The following NOTUM variants were observed in gnomAD, a reference collection of about 807,000 sequenced individuals.
NOTUM encodes the protein notum, palmitoleoyl-protein carboxylesterase, also known as palmitoleoyl-protein carboxylesterase NOTUM.
A neutral mutation model predicts 65.5 loss-of-function variants in NOTUM; 36 were observed. That is an observed-to-expected ratio of 0.55 (90% confidence interval 0.42 to 0.73). The LOEUF (loss-of-function observed/expected upper bound fraction) is 0.73, where lower values mean the gene tolerates loss of function less well. Ranked by LOEUF, NOTUM falls within the 30% of genes least tolerant of loss-of-function variation. The probability of loss-of-function intolerance (pLI) is 0.00; values close to 1 mark genes in which losing one functional copy is unlikely to be tolerated. For missense variants in NOTUM, 659 were observed against 694.2 expected (o/e 0.95, Z 0.57); for synonymous variants, 356 against 297.9 (o/e 1.20, Z -2.01).
At chr17:81,955,219 G>T (rs766417891) in intron 9 of NOTUM, among the ~76,000 whole-genome samples, 178 bp downstream of exon 9, 4 of 152,116 alleles carry the variant, frequency 2.6e-5, no homozygotes, top group Non-Finnish European at 4.4e-5. Flanking sequence ...GACCTCAGGT[G>T]ATCCACCTGC....
In NOTUM at chr17:81,958,936, C is replaced by G. The variant is rs757750430; in HGVS notation, c.532G>C (p.Val178Leu). ...ENPYWWNANMVFIPYCSSDVW... is the reference protein window; with the variant it reads ...ENPYWWNANMLFIPYCSSDVW... ...AGGCAAGACCCTGTGCCCCCTTACA[C>G]CATGTTTGCGTTCCACCAGTAGGGG... Residue 178 changes from valine (V) to leucine (L), a missense_variant and splice_region_variant, in exon 4 of 11, where the codon GTC (valine) becomes CTC (leucine). Coordinates refer to ENST00000409678, the MANE Select transcript of NOTUM (RefSeq NM_178493.6). The G allele has an allele frequency of 6.2e-7, 1 of 1,612,356 alleles. No individual in the cohort carries two copies. The highest frequency in any genetic ancestry group is 8.5e-7 in the Non-Finnish European group (1 of 1,179,026).
chr17:81,960,688 C>A lies in NOTUM; in HGVS notation c.222G>T (p.Ala74=). 1 of 1,601,130 alleles carries A rather than the reference C, an allele frequency of 6.2e-7. No homozygotes were observed. ...GCGCGGAGCAGGGGTACAGGGACTG[C>A]GCCAGGCTCTTGACTTGCGCCATGA... is the stretch of plus-strand genomic sequence containing the variant. ...DSFMAQVKSL[A]QSLYPCSAQQ... Residue 74 remains alanine, a synonymous_variant, in exon 1 of 11, where the codon GCG becomes GCT. Transcript: ENST00000409678. The surrounding 1 kb of genome is among the most constrained non-coding windows in gnomAD (Gnocchi z 6.4).
At chr17:81,957,756 C>T in intron 6 of NOTUM, 50 bp downstream of exon 6, 1 of 1,323,460 alleles carries the variant, frequency 7.6e-7, no homozygotes, top group Non-Finnish European at 1.1e-6. Context: ...TCCATGCACC[C>T]TGCACACCGT....
chr17:81,957,173 G>A (rs1330905451), intron 6 of NOTUM, 99 bp from the exon 7 acceptor site: 5 of 929,732 alleles, frequency 5.4e-6, no homozygotes, highest in African/African-American at 4.9e-5. Flanking sequence ...GGGGGCAGGA[G>A]TCCTGATGCG....
rs761848082 is a variant in NOTUM, at chr17:81,953,218, G to A, written c.1234C>T (p.His412Tyr). 5.6e-6 allele frequency: 9 copies of A among 1,612,364 alleles called. No individual in the cohort carries two copies. The African/African-American group carries it at 1.2e-4, about 22-fold the overall frequency. The change falls in exon 11 of 11, where the codon CAC becomes TAC. Residue 412 changes from histidine to tyrosine, a missense_variant. Physicochemically the swap from His to Tyr is moderately conservative, Grantham distance 83. Coordinates refer to ENST00000409678, the MANE Select transcript of NOTUM (RefSeq NM_178493.6). ...TCATGGAGGCTCCTGTCCCAGCAGT[G>A]CAGTGCTCGGGGCAGCGACGTCCCC... Reference protein sequence around the residue: ...VKGTSLPRALHCWDRSLHDSH... With the variant: ...VKGTSLPRALYCWDRSLHDSH...
Position 81,960,643 on chromosome 17 carries a change from C to G in NOTUM, c.267G>C (p.Leu89=), listed in dbSNP as rs148431861. ...AGGTGTTGAGTAGGAGGTGCAGGCGCAGGTCCTCGTTGAGCTGCTGCGCGG... is the reference window on the plus strand; with the variant it reads ...AGGTGTTGAGTAGGAGGTGCAGGCGGAGGTCCTCGTTGAGCTGCTGCGCGG... The part of the protein sequence containing the change: ...PCSAQQLNED[L]RLHLLLNTSV... Residue 89 remains leucine (L), a synonymous_variant, in exon 1 of 11, where the codon CTG becomes CTC. Transcript: ENST00000409678. This position sits in a 1 kb window ranked among gnomAD's most constrained non-coding sequence, Gnocchi z 6.4. The G allele has an allele frequency of 6.3e-5, 98 of 1,566,430 alleles. No homozygotes were observed. The African/African-American group carries it at 1.1e-3, about 18-fold the overall frequency.
At position 81,959,003 on chromosome 17, in the gene NOTUM, C is replaced by G; in HGVS notation, c.473-8G>C. 1 of 1,612,420 alleles carries G rather than the reference C, an allele frequency of 6.2e-7. No homozygotes were observed. The highest frequency in any genetic ancestry group is 8.5e-7 in the Non-Finnish European group (1 of 1,179,286). On this transcript the variant is annotated splice_region_variant and splice_polypyrimidine_tract_variant and intron_variant, in intron 3 of 10. Transcript: ENST00000409678. ...AGGACAGGATCCCTGTGCCTGGGGA[C>G]ACAGAGGCGGTGGGTCTTTCTAGCG...
rs566859941 is a variant in NOTUM, at chr17:81,954,456, G to A, written c.1137-153C>T. The stretch of plus-strand genomic sequence containing the variant: ...TCTGGCCCGGGCCTCCCCCTAGTTG[G>A]CCAGCTCCCGGCTGACCCTTATCGC... On this transcript the variant is annotated intron_variant, in intron 9 of 10. Transcript: ENST00000409678. Among the ~76,000 whole-genome samples the A allele has an allele frequency of 7.9e-5, 12 of 152,204 alleles. No individual in the cohort carries two copies. In the South Asian group the frequency reaches 2.1e-3, roughly 26 times the overall value.
rs1380715680 is a variant in NOTUM, at chr17:81,955,503, G to A, written c.1030C>T (p.Leu344=). Residue 344 remains leucine (L), a synonymous_variant, in exon 9 of 11, where the codon CTG becomes TTG. Coordinates refer to ENST00000409678, the MANE Select transcript of NOTUM (RefSeq NM_178493.6). ...GTCAGGTGCACGTTGTCCACCGTCA[G>A]CTGTGCCTCGTCAAACAGCCACTGC... The part of the protein sequence containing the change: ...VVQWLFDEAQ[L]TVDNVHLTGQ... The A allele has an allele frequency of 6.2e-7, 1 of 1,611,424 alleles. No individual in the cohort carries two copies. The highest frequency in any genetic ancestry group is 2.2e-5 in the East Asian group (1 of 44,872).
Position 81,960,013 on chromosome 17 carries a change from G to A in NOTUM, c.324-321C>T, listed in dbSNP as rs2041462239. Among the ~76,000 whole-genome samples the A allele has an allele frequency of 6.6e-6, 1 of 151,958 alleles. No homozygotes were observed. Among genetic ancestry groups the A allele is most frequent in the Admixed American group, 6.6e-5 (1 of 15,258 alleles). On this transcript the variant is annotated intron_variant, in intron 1 of 10. Transcript: ENST00000409678. The surrounding 1 kb of genome is among the most constrained non-coding windows in gnomAD (Gnocchi z 6.4). The stretch of plus-strand genomic sequence containing the variant: ...CGGCGGCGCTTGAAGCGTGAAACGC[G>A]TCCGCACTGAAGGAGCGCGCTTGGC...
Position 81,958,001 on chromosome 17 carries a change from C to T in NOTUM, c.593-93G>A. The T allele has an allele frequency of 7.7e-6, 7 of 907,108 alleles. No homozygotes were observed. The South Asian group carries it at 8.9e-5, about 12-fold the overall frequency. The allele number at this position is 907,108 out of a possible 1,614,324, so 56.2% of individuals were successfully genotyped here. On this transcript the variant is annotated intron_variant, in intron 5 of 10. Coordinates refer to ENST00000409678, the MANE Select transcript of NOTUM (RefSeq NM_178493.6). Reference sequence around the variant, plus strand: ...GGCTGGCAGAGAAGTTCTTGCCCCACTGGGGGACTGGGAGGAATCTTCTGA... The same window carrying T: ...GGCTGGCAGAGAAGTTCTTGCCCCATTGGGGGACTGGGAGGAATCTTCTGA...
Position 81,953,186 on chromosome 17 carries a change from G to A in NOTUM, c.1266C>T (p.His422=), listed in dbSNP as rs1377987439. The A allele has an allele frequency of 6.2e-7, 1 of 1,613,006 alleles. No individual in the cohort carries two copies. Among genetic ancestry groups the A allele is most frequent in the East Asian group, 2.2e-5 (1 of 44,894 alleles). Residue 422 remains histidine (H), a synonymous_variant, in exon 11 of 11, where the codon CAC becomes CAT. Coordinates refer to ENST00000409678, the MANE Select transcript of NOTUM (RefSeq NM_178493.6). ...CCTTGAGGGGGGTCTTGCTGGCCTT[G>A]TGGCTGTCATGGAGGCTCCTGTCCC... The part of the protein sequence containing the change: ...HCWDRSLHDS[H]KASKTPLKGC...
At chr17:81,957,604 G>A (rs2041443194) in intron 6 of NOTUM, among the ~76,000 whole-genome samples, 1 of 152,134 alleles carries the variant, frequency 6.6e-6, no homozygotes, top group African/African-American at 2.4e-5. Context: ...TGGTTACCCA[G>A]CACTCTGAAG....
At position 81,952,999 on chromosome 17, in the gene NOTUM, G is replaced by A. The variant is rs1165544839; in HGVS notation, c.1453C>T (p.Pro485Ser). 6.2e-7 allele frequency: 1 copy of A among 1,613,882 alleles called. No individual in the cohort carries two copies. The highest frequency in any genetic ancestry group is 1.3e-5 in the African/African-American group (1 of 74,942). The change falls in exon 11 of 11, where the codon CCC (proline) becomes TCC (serine). Residue 485 changes from proline (P) to serine (S), a missense_variant. By Grantham distance (74) the Pro-to-Ser change is moderately conservative (BLOSUM62 -1). Coordinates refer to ENST00000409678, the MANE Select transcript of NOTUM (RefSeq NM_178493.6). ...CTCAGCATCCCCAGCAGCTCACTGG[G>A]CTCCAGTCCCTGCGGCTGGGCCACC... ...QTVAQPQGLEPSELLGMLSNG... is the reference protein window; with the variant it reads ...QTVAQPQGLESSELLGMLSNG...
chr17:81,955,664 A>AC (rs2041427515), intron 8 of NOTUM, 120 bp from the exon 9 acceptor site: 1 of 727,004 alleles, frequency 1.4e-6, no homozygotes, highest in Non-Finnish European at 1.9e-6. Context: ...AGAGCTCAGC[A>AC]CCCCCAGGCC....
Position 81,958,946 on chromosome 17 carries a change from G to A in NOTUM, c.522C>T (p.Asn174=), listed in dbSNP as rs1477031751. ...CTGTGCCCCCTTACACCATGTTTGC[G>A]TTCCACCAGTAGGGGTTCTCCTCCG... ...SQPEENPYWW[N]ANMVFIPYCS... Residue 174 remains asparagine, a synonymous_variant, in exon 4 of 11, where the codon AAC becomes AAT. Coordinates refer to ENST00000409678, the MANE Select transcript of NOTUM (RefSeq NM_178493.6). The A allele has an allele frequency of 1.9e-6, 3 of 1,612,668 alleles. No homozygotes were observed. Among genetic ancestry groups the A allele is most frequent in the African/African-American group, 1.3e-5 (1 of 74,902 alleles).
In NOTUM at chr17:81,960,669, A is replaced by G; in HGVS notation, c.241T>C (p.Ser81Pro). ...KSLAQSLYPC[S>P]AQQLNEDLRL... Reference sequence around the variant, plus strand: ...AGGTCCTCGTTGAGCTGCTGCGCGGAGCAGGGGTACAGGGACTGCGCCAGG... The same window carrying G: ...AGGTCCTCGTTGAGCTGCTGCGCGGGGCAGGGGTACAGGGACTGCGCCAGG... Residue 81 changes from serine to proline, a missense_variant, in exon 1 of 11, where the codon TCC becomes CCC. Ser to Pro is a moderately conservative substitution (Grantham distance 74, BLOSUM62 -1). Transcript: ENST00000409678. The surrounding 1 kb of genome is among the most constrained non-coding windows in gnomAD (Gnocchi z 6.4). 1 of 1,595,036 alleles carries G rather than the reference A, an allele frequency of 6.3e-7. No individual in the cohort carries two copies. Among genetic ancestry groups the G allele is most frequent in the Non-Finnish European group, 8.5e-7 (1 of 1,171,192 alleles).
chr17:81,960,995 G>A lies in NOTUM; in HGVS notation c.-86C>T, dbSNP rs1242137225. 1 of 674,832 alleles carries A rather than the reference G, an allele frequency of 1.5e-6. No homozygotes were observed. Among genetic ancestry groups the A allele is most frequent in the Non-Finnish European group, 2.0e-6 (1 of 510,864 alleles). The allele number at this position is 674,832 out of a possible 1,614,324, so 41.8% of individuals were successfully genotyped here. A position where few individuals can be genotyped will look rare whatever the true frequency, so the allele number is the denominator to read the frequency against. ...GCCGGGCCGGGGGTGCCGGGCCGGG[G>A]GTGTCGGGGGCACTGGCCGCTCCTG... On this transcript the variant is annotated 5_prime_UTR_variant, in exon 1 of 11. Coordinates refer to ENST00000409678, the MANE Select transcript of NOTUM (RefSeq NM_178493.6). The surrounding 1 kb of genome is among the most constrained non-coding windows in gnomAD (Gnocchi z 6.4).
At chr17:81,956,557 G>A in intron 8 of NOTUM, 93 bp downstream of exon 8, 1 of 888,050 alleles carries the variant, frequency 1.1e-6, no homozygotes, top group Non-Finnish European at 1.8e-6. Context: ...TCCAAGCCCA[G>A]CCCAGAAGAC....
Sources: gnomAD v4.1 joint callset for allele counts (sites outside exome capture counted in the v4.1 genomes callset) on GRCh38, gnomAD v4.1.1 for gene constraint, Gnocchi (gnomAD v3.1) non-coding constraint, MANE v1.5 for transcripts, NCBI Gene and HGNC (gene_info 2026-07-23, HGNC 2026-07-21) for gene names.